The following DSCAM variants were observed in gnomAD, a reference collection of about 807,000 sequenced individuals.
DSCAM encodes DS cell adhesion molecule, also known as cell adhesion molecule DSCAM.
A neutral mutation model predicts 217.7 loss-of-function variants in DSCAM; 47 were observed. That is an observed-to-expected ratio of 0.22 (90% CI 0.17 to 0.28). The LOEUF is 0.28. Ranked by LOEUF, DSCAM falls within the 10% of genes least tolerant of loss-of-function variation. DSCAM has a pLI of 1.00. For missense variants in DSCAM, 2,080 were observed against 2,618.3 expected, an observed-to-expected ratio of 0.79 and a Z score of 4.49; for synonymous variants, 1,056 against 1,015.3, an observed-to-expected ratio of 1.04 and a Z score of -0.76.
rs567694152 is a variant in DSCAM, at chr21:40,229,937, T to C, written c.2357-40699A>G. Among the ~76,000 whole-genome samples, 16 of 152,362 alleles carry C rather than the reference T, an allele frequency of 1.1e-4. No individual in the cohort carries two copies. The East Asian group carries it at 3.1e-3, about 29-fold the overall frequency. On this transcript the variant is annotated intron_variant, in intron 11 of 32. Coordinates refer to ENST00000400454, the MANE Select transcript of DSCAM (RefSeq NM_001389.5). Reference sequence around the variant, plus strand: ...AGAAACTGTCGAGCTGGCTCTATACTTCTGCATGCCCACCAGCAATGAATG... The same window carrying C: ...AGAAACTGTCGAGCTGGCTCTATACCTCTGCATGCCCACCAGCAATGAATG...
At chr21:40,165,575 C>T (rs2090585853) in intron 16 of DSCAM, among the ~76,000 whole-genome samples, 1 of 152,240 alleles carries the variant, frequency 6.6e-6, no homozygotes, top group South Asian at 2.1e-4. Flanking sequence ...CTGCAATGCA[C>T]TGACTTTTGT....
intron 3 of DSCAM, among the ~76,000 whole-genome samples, chr21:40,675,123 T>TCATGG (rs1601840630): frequency 6.6e-6 from 1 of 152,170 alleles, no homozygotes; most frequent in South Asian, 2.1e-4. Context: ...TGAGTCTATT[T>TCATGG]CATGGCATGG....
intron 4 of DSCAM, among the ~76,000 whole-genome samples, chr21:40,367,733 T>G (rs1038830467): frequency 1.2e-4 from 18 of 152,208 alleles, no homozygotes; most frequent in African/African-American, 4.3e-4. Flanking sequence ...CCTGTCTTCA[T>G]CTATACTGTT....
In DSCAM at chr21:40,692,633, G is replaced by T. The variant is rs75998379; in HGVS notation, c.508+177C>A. Among the ~76,000 whole-genome samples the T allele has an allele frequency of 1.1e-4, 17 of 152,264 alleles. No individual in the cohort carries two copies. The East Asian group carries it at 3.3e-3, about 29-fold the overall frequency. On this transcript the variant is annotated intron_variant, in intron 3 of 32. Coordinates refer to ENST00000400454, the MANE Select transcript of DSCAM (RefSeq NM_001389.5). ...ACCCACCAAAGGATGTCTGAATCAA[G>T]CCATTATAAGCCAATACAAAACACT...
chr21:40,838,609 T>G (rs922251054), intron 1 of DSCAM, among the ~76,000 whole-genome samples: 12 of 152,232 alleles, frequency 7.9e-5, no homozygotes, highest in African/African-American at 2.7e-4. Context: ...AAAGTGTAAA[T>G]TTTATGTAAA....
At chr21:40,348,646 T>C (rs2074593475) in intron 5 of DSCAM, among the ~76,000 whole-genome samples, 1 of 152,228 alleles carries the variant, frequency 6.6e-6, no homozygotes, top group East Asian at 1.9e-4. Flanking sequence ...TCCACACAGT[T>C]CCTATCAGCC....
intron 3 of DSCAM, among the ~76,000 whole-genome samples, chr21:40,471,950 C>G (rs1170341336): frequency 6.6e-6 from 1 of 152,130 alleles, no homozygotes; most frequent in African/African-American, 2.4e-5. Context: ...CCGTTCTCCC[C>G]ATCCCACAAC....
At chr21:40,832,960 G>A (rs188988643) in intron 1 of DSCAM, among the ~76,000 whole-genome samples, 264 of 152,218 alleles carry the variant, frequency 1.7e-3, no homozygotes, top group African/African-American at 6.1e-3. Flanking sequence ...TAAAGTACAC[G>A]GCATGCAAGA....
chr21:40,152,807 T>C (rs958907673), intron 16 of DSCAM, among the ~76,000 whole-genome samples: 2 of 152,222 alleles, frequency 1.3e-5, no homozygotes, highest in African/African-American at 4.8e-5. Flanking sequence ...TGGATGTGAA[T>C]GATTAGAACA....
intron 3 of DSCAM, among the ~76,000 whole-genome samples, chr21:40,426,652 GAA>G (rs2145886369): frequency 6.6e-6 from 1 of 152,310 alleles, no homozygotes; most frequent in African/African-American, 2.4e-5. Context: ...GAGAGATGAA[GAA>G]AAGTACAAGA....
chr21:40,481,124 A>G (rs2075978358), intron 3 of DSCAM, among the ~76,000 whole-genome samples: 1 of 152,134 alleles, frequency 6.6e-6, no homozygotes, highest in South Asian at 2.1e-4. Context: ...AAAACCCACT[A>G]TTTCAAAACT....
chr21:40,578,612 C>G lies in DSCAM; in HGVS notation c.508+114198G>C, dbSNP rs191093538. ...CACCCAGCGTGGGACCCCTTTTGCA[C>G]TGTGGTACCTTTGTTCTTTTGCTCT... On this transcript the variant is annotated intron_variant, in intron 3 of 32. Transcript: ENST00000400454. 1.9e-4 allele frequency among the ~76,000 whole-genome samples: 29 copies of G among 152,324 alleles called. No homozygotes were observed. In the East Asian group the frequency reaches 3.1e-3, roughly 16 times the overall value.
chr21:40,400,619 G>A (rs1221116326), intron 3 of DSCAM, among the ~76,000 whole-genome samples: 2 of 152,192 alleles, frequency 1.3e-5, no homozygotes, highest in Non-Finnish European at 2.9e-5. Flanking sequence ...GTCTTGCTAT[G>A]TTGCTTAGGC....
intron 10 of DSCAM, among the ~76,000 whole-genome samples, chr21:40,284,677 G>T (rs987422056): frequency 4.5e-4 from 69 of 152,268 alleles, no homozygotes; most frequent in African/African-American, 1.6e-3. Context: ...TAGCAGTGAC[G>T]GGAGAAGCAT....
chr21:40,218,083 T>C (rs1480751014), intron 11 of DSCAM, among the ~76,000 whole-genome samples: 1 of 152,220 alleles, frequency 6.6e-6, no homozygotes, highest in Admixed American at 6.5e-5. Context: ...CATTCCTGTG[T>C]CCAGGATGGT....
chr21:40,826,085 G>A (rs2091966449), intron 1 of DSCAM, among the ~76,000 whole-genome samples: 1 of 152,208 alleles, frequency 6.6e-6, no homozygotes, highest in Admixed American at 6.5e-5. Flanking sequence ...AAACTTCTAA[G>A]TATATGATTT....
intron 3 of DSCAM, among the ~76,000 whole-genome samples, chr21:40,525,180 G>A (rs1368655636): frequency 6.6e-6 from 1 of 151,858 alleles, no homozygotes; most frequent in Non-Finnish European, 1.5e-5. Flanking sequence ...ACATACTGTT[G>A]AGTCCCAAAA....
chr21:40,203,167 G>A (rs1465750608), intron 11 of DSCAM, among the ~76,000 whole-genome samples: 2 of 152,226 alleles, frequency 1.3e-5, no homozygotes, highest in Non-Finnish European at 2.9e-5. Context: ...TCCCACCTGG[G>A]TATGGATGCA....
At chr21:40,574,357 A>T (rs1470452480) in intron 3 of DSCAM, among the ~76,000 whole-genome samples, 1 of 152,154 alleles carries the variant, frequency 6.6e-6, no homozygotes, top group Admixed American at 6.5e-5. Context: ...TCATTAACAG[A>T]TTAAAGAAGA....
Sources: allele counts gnomAD v4.1 joint callset (sites outside exome capture counted in the v4.1 genomes callset), GRCh38; gene constraint gnomAD v4.1.1; transcripts MANE v1.5; gene names NCBI Gene and HGNC (gene_info 2026-07-23, HGNC 2026-07-21).